RASEF: variants seen among roughly 807,000 people sequenced by gnomAD.
The protein encoded by RASEF is ras and EF-hand domain-containing protein.
In RASEF, 68 loss-of-function variants were observed where a neutral mutation model predicts 90.1. The ratio of observed to expected loss-of-function variants is 0.75; its 90% CI spans 0.62 to 0.92. The LOEUF is 0.92. Among genes scored for constraint, RASEF ranks in the 40% least tolerant of loss-of-function variants. The probability of loss-of-function intolerance (pLI) is 0.00; values close to 1 mark genes in which losing one functional copy is unlikely to be tolerated. For synonymous variants in RASEF, 331 were observed against 345.2 expected, an observed-to-expected ratio of 0.96 and a Z score of 0.46; for missense variants, 949 against 937.2, an observed-to-expected ratio of 1.01 and a Z score of -0.16.
chr9:83,047,737 G>A (rs1829958878), intron 1 of RASEF, among the ~76,000 whole-genome samples: 1 of 152,148 alleles, frequency 6.6e-6, no homozygotes, highest in Non-Finnish European at 1.5e-5. Flanking sequence ...AGAAAGTAAA[G>A]ATAAACTGTC....
At chr9:83,031,296 G>A (rs1240982359) in intron 1 of RASEF, among the ~76,000 whole-genome samples, 11 of 152,052 alleles carry the variant, frequency 7.2e-5, no homozygotes, top group South Asian at 2.1e-4. Flanking sequence ...ATTTATGAGC[G>A]GGTAAGTCTT....
the RASEF span, among the ~76,000 whole-genome samples, chr9:83,206,992 T>C: frequency 6.6e-6 from 1 of 152,118 alleles, no homozygotes; most frequent in Admixed American, 6.5e-5. Context: ...CCTGGAGATA[T>C]GACACCTGAC....
intron 16 of RASEF, among the ~76,000 whole-genome samples, chr9:82,985,092 G>T (rs958935248): frequency 6.6e-6 from 1 of 152,178 alleles, no homozygotes; most frequent in African/African-American, 2.4e-5. Context: ...TGTGTCTACA[G>T]ATTATCATTC....
At chr9:83,017,618 T>C (rs943720043) in intron 3 of RASEF, among the ~76,000 whole-genome samples, 4 of 152,180 alleles carry the variant, frequency 2.6e-5, no homozygotes, top group Non-Finnish European at 5.9e-5. Context: ...GTTACAGTAA[T>C]GCAGGTGAGA....
chr9:83,169,268 T>C, the RASEF span, among the ~76,000 whole-genome samples: 6 of 152,048 alleles, frequency 3.9e-5, no homozygotes, highest in Non-Finnish European at 8.8e-5. Flanking sequence ...GACACTTAGG[T>C]TGATTTTATA....
chr9:83,015,399 G>C (rs977771563), intron 4 of RASEF, among the ~76,000 whole-genome samples: 1 of 152,202 alleles, frequency 6.6e-6, no homozygotes, highest in African/African-American at 2.4e-5. Context: ...AGGTCTTTCA[G>C]GCTGGGCACA....
At position 83,022,817 on chromosome 9, in the gene RASEF, T is replaced by C. The variant is rs149939614; in HGVS notation, c.579-391A>G. ...AAACCTGAACAGCATGGGACTGTAC[T>C]GAATACTGGAAGTAACTGTAACACA... is the stretch of plus-strand genomic sequence containing the variant. On this transcript the variant is annotated intron_variant, in intron 2 of 16. Coordinates refer to ENST00000376447, the MANE Select transcript of RASEF (RefSeq NM_152573.4). 1.3e-3 allele frequency among the ~76,000 whole-genome samples: 205 copies of C among 152,324 alleles called. 1 individual carries two copies. Among genetic ancestry groups the C allele is most frequent in the Non-Finnish European group, 4.1e-4 (28 of 68,020 alleles).
chr9:82,996,976 C>T (rs1022883701), intron 14 of RASEF, 36 bp downstream of exon 14: 4 of 1,226,556 alleles, frequency 3.3e-6, no homozygotes, highest in Admixed American at 1.7e-5. Context: ...AAAACTTCCT[C>T]GTGTAATTTT....
chr9:83,157,251 A>C, the RASEF span, among the ~76,000 whole-genome samples: 1 of 152,252 alleles, frequency 6.6e-6, no homozygotes, highest in African/African-American at 2.4e-5. Flanking sequence ...CAGTTCTACA[A>C]GTAGTAATCT....
Position 82,990,374 on chromosome 9 carries a change from A to C in RASEF, c.2117+17T>G, listed in dbSNP as rs1828790029. 6.3e-7 allele frequency: 1 copy of C among 1,598,670 alleles called. No homozygotes were observed. The highest frequency in any genetic ancestry group is 8.6e-7 in the Non-Finnish European group (1 of 1,167,146). On this transcript the variant is annotated intron_variant, in intron 16 of 16. Coordinates refer to ENST00000376447, the MANE Select transcript of RASEF (RefSeq NM_152573.4). ...CAAGCGAAAATTCAATCCTACATCC[A>C]TTTTCCCAAACTTTACCGAGCAAGG...
chr9:83,209,095 G>C, the RASEF span, among the ~76,000 whole-genome samples: 1 of 152,230 alleles, frequency 6.6e-6, no homozygotes, highest in Non-Finnish European at 1.5e-5. Context: ...TCTGGTCCCA[G>C]TATTGCTCTG....
intron 16 of RASEF, among the ~76,000 whole-genome samples, chr9:82,987,653 C>T (rs1297653006): frequency 6.6e-6 from 1 of 152,060 alleles, no homozygotes; most frequent in African/African-American, 2.4e-5. Flanking sequence ...CACTTTGGAG[C>T]CATATAACTT....
At chr9:83,001,225 G>C (rs1829034117) in intron 9 of RASEF, 95 bp from the exon 10 acceptor site, 1 of 805,594 alleles carries the variant, frequency 1.2e-6, no homozygotes, top group South Asian at 1.7e-5. Flanking sequence ...GAATCAAGTA[G>C]GCCGACTGTG....
the RASEF span, among the ~76,000 whole-genome samples, chr9:83,137,066 G>A: frequency 2.6e-5 from 4 of 151,956 alleles, no homozygotes; most frequent in South Asian, 8.3e-4. Flanking sequence ...ATTTCATATA[G>A]ATTAATTATA....
At chr9:83,152,403 C>T in the RASEF span, among the ~76,000 whole-genome samples, 152 of 152,256 alleles carry the variant, frequency 1.0e-3, no homozygotes, top group Non-Finnish European at 5.0e-4. Flanking sequence ...GGCCCTTATA[C>T]ACCATCTCTC....
intron 1 of RASEF, among the ~76,000 whole-genome samples, chr9:83,028,986 A>G (rs1454836008): frequency 6.6e-6 from 1 of 152,172 alleles, no homozygotes; most frequent in Non-Finnish European, 1.5e-5. Flanking sequence ...CAGGCCCCAG[A>G]AGAAACCAAC....
At chr9:83,198,604 C>G in the RASEF span, among the ~76,000 whole-genome samples, 11 of 152,278 alleles carry the variant, frequency 7.2e-5, no homozygotes, top group Admixed American at 3.9e-4. Flanking sequence ...AGGTTTCCTC[C>G]TAGCACTTAA....
chr9:83,080,794 G>A, the RASEF span, among the ~76,000 whole-genome samples: 67 of 152,040 alleles, frequency 4.4e-4, no homozygotes, highest in Non-Finnish European at 5.4e-4. Context: ...TGCAATCTAG[G>A]AAATAAATCT....
chr9:83,015,699 A>G, intron 4 of RASEF, 106 bp downstream of exon 4: 2 of 834,010 alleles, frequency 2.4e-6, no homozygotes, highest in Non-Finnish European at 4.1e-6. Flanking sequence ...CTGAAATCTG[A>G]TCTATCCGCC....
Sources: allele counts gnomAD v4.1 joint callset (sites outside exome capture counted in the v4.1 genomes callset), GRCh38; gene constraint gnomAD v4.1.1; transcripts MANE v1.5; gene names NCBI Gene and HGNC (gene_info 2026-07-23, HGNC 2026-07-21).